The following INSC variants were observed in gnomAD, a reference collection of about 807,000 sequenced individuals.
INSC encodes protein inscuteable homolog.
In INSC, 67 loss-of-function variants were observed where a neutral mutation model predicts 58.6. The observed-to-expected ratio is 1.14, with a 90% confidence interval of 0.94 to 1.40. The LOEUF (loss-of-function observed/expected upper bound fraction) is 1.40, where lower values mean the gene tolerates loss of function less well. Ranked by LOEUF, INSC falls within the 40% of genes most tolerant of loss-of-function variation. The probability of loss-of-function intolerance (pLI) is 0.00; values close to 1 mark genes in which losing one functional copy is unlikely to be tolerated. For missense variants in INSC, 714 were observed against 692.0 expected (o/e 1.03, Z -0.36); for synonymous variants, 262 against 276.1 (o/e 0.95, Z 0.51).
intron 7 of INSC, among the ~76,000 whole-genome samples, chr11:15,212,685 A>G (rs900409635): frequency 6.6e-6 from 1 of 152,296 alleles, no homozygotes; most frequent in Non-Finnish European, 1.5e-5. Flanking sequence ...CAAGTTTGAT[A>G]TTGTATCCAG....
intron 1 of INSC, among the ~76,000 whole-genome samples, chr11:15,131,363 T>G (rs1173001947): frequency 6.6e-6 from 1 of 152,096 alleles, no homozygotes; most frequent in African/African-American, 2.4e-5. Flanking sequence ...GTGTCAATCT[T>G]CTGAAATTTG....
At chr11:15,198,836 A>T (rs1441995671) in intron 6 of INSC, among the ~76,000 whole-genome samples, 1 of 152,054 alleles carries the variant, frequency 6.6e-6, no homozygotes, top group Non-Finnish European at 1.5e-5. Context: ...CTTCAAGCAG[A>T]TGTCCCAGGA....
chr11:15,148,907 T>A (rs1271195121), intron 1 of INSC, among the ~76,000 whole-genome samples: 3 of 152,166 alleles, frequency 2.0e-5, no homozygotes, highest in Non-Finnish European at 4.4e-5. Flanking sequence ...AGAAAATATT[T>A]TAGAGATATA....
chr11:15,209,177 C>A (rs1301047849), intron 7 of INSC, among the ~76,000 whole-genome samples: 1 of 152,234 alleles, frequency 6.6e-6, no homozygotes, highest in Non-Finnish European at 1.5e-5. Flanking sequence ...CAAGCTGCCT[C>A]CAGCACATTG....
chr11:15,200,080 C>G (rs761968448), intron 6 of INSC, among the ~76,000 whole-genome samples: 5 of 151,868 alleles, frequency 3.3e-5, no homozygotes, highest in African/African-American at 4.8e-5. Context: ...TTTCCATAAA[C>G]AGCTCTCACA....
At chr11:15,170,530 C>G (rs1268491990) in intron 2 of INSC, among the ~76,000 whole-genome samples, 1 of 152,174 alleles carries the variant, frequency 6.6e-6, no homozygotes, top group Non-Finnish European at 1.5e-5. Context: ...AGATGAAGTG[C>G]ACTTCTTATC....
chr11:15,151,893 A>G (rs1022430385), intron 2 of INSC, among the ~76,000 whole-genome samples: 2 of 152,048 alleles, frequency 1.3e-5, no homozygotes, highest in African/African-American at 4.8e-5. Flanking sequence ...CAAATCATCT[A>G]TGGCATTTAG....
At chr11:15,218,574 A>G (rs1279591710) in intron 7 of INSC, among the ~76,000 whole-genome samples, 5 of 152,082 alleles carry the variant, frequency 3.3e-5, no homozygotes, top group Admixed American at 1.3e-4. Flanking sequence ...ATATATATAT[A>G]TGTACATATA....
Position 15,235,619 on chromosome 11 carries a change from A to T in INSC, c.1188A>T (p.Ala396=). Residue 396 remains alanine, a synonymous_variant, in exon 10 of 13, where the codon GCA becomes GCT. Coordinates refer to ENST00000379556, the MANE Select transcript of INSC (RefSeq NM_001042536.3). ...YTRDQIVTIL[A]NMSVLEQCAS... is the part of the protein sequence containing the mutation. ...TTTTCCAGATTGTGACCATCTTGGCAAACATGTCTGTCCTAGAACAGTGTG... is the reference window on the plus strand; with the variant it reads ...TTTTCCAGATTGTGACCATCTTGGCTAACATGTCTGTCCTAGAACAGTGTG... 6.2e-7 allele frequency: 1 copy of T among 1,614,018 alleles called. No individual in the cohort carries two copies. Among genetic ancestry groups the T allele is most frequent in the Non-Finnish European group, 8.5e-7 (1 of 1,179,882 alleles).
At chr11:15,122,978 C>T (rs1847907558) in intron 1 of INSC, among the ~76,000 whole-genome samples, 1 of 152,164 alleles carries the variant, frequency 6.6e-6, no homozygotes, top group Non-Finnish European at 1.5e-5. Context: ...GCCCTGCTGC[C>T]CTCTCCTACA....
At chr11:15,112,897 G>A (rs1399211290), upstream of INSC, among the ~76,000 whole-genome samples, 2 of 152,104 alleles carry the variant, frequency 1.3e-5, no homozygotes, top group East Asian at 1.9e-4. Flanking sequence ...TCATGAGCTG[G>A]GCAGAGATTT....
chr11:15,257,577 A>T, the INSC span, among the ~76,000 whole-genome samples: 1 of 152,088 alleles, frequency 6.6e-6, no homozygotes, highest in East Asian at 1.9e-4. Flanking sequence ...GTACCTCATA[A>T]TGGGACCTTA....
chr11:15,177,230 T>C, intron 4 of INSC, 67 bp downstream of exon 4: 1 of 1,226,560 alleles, frequency 8.2e-7, no homozygotes, highest in Middle Eastern at 2.0e-4. Context: ...GGGGCTGGTA[T>C]CTTCTCCCAG....
chr11:15,259,737 C>T, the INSC span, among the ~76,000 whole-genome samples: 1 of 152,124 alleles, frequency 6.6e-6, no homozygotes, highest in African/African-American at 2.4e-5. Flanking sequence ...AGATGTTTTT[C>T]TCCAAATTTC....
rs1226512374 is a variant in INSC at position 15,159,588 on chromosome 11, A to G, written c.56+10358A>G. Among the ~76,000 whole-genome samples, 4 of 152,232 alleles carry G rather than the reference A, an allele frequency of 2.6e-5. No homozygotes were observed. In the East Asian group the frequency reaches 5.8e-4, roughly 22 times the overall value. On this transcript the variant is annotated intron_variant, in intron 2 of 12. Coordinates refer to ENST00000379556, the MANE Select transcript of INSC (RefSeq NM_001042536.3). ...AAATTTTTACCTGACAGTACTGCAC[A>G]TGACATTGGAACAGAGCACAGCCTA...
chr11:15,172,828 G>C (rs1253289514), intron 2 of INSC, among the ~76,000 whole-genome samples: 1 of 152,116 alleles, frequency 6.6e-6, no homozygotes, highest in African/African-American at 2.4e-5. Flanking sequence ...AGATGTGTGA[G>C]AAGGGAGGCT....
intron 2 of INSC, among the ~76,000 whole-genome samples, chr11:15,156,011 A>G (rs1848804014): frequency 2.6e-5 from 4 of 152,180 alleles, no homozygotes; most frequent in Admixed American, 2.0e-4. Context: ...GCGGTCCACA[A>G]GGCAAGGGCA....
chr11:15,203,264 C>G (rs1015908412), intron 7 of INSC, among the ~76,000 whole-genome samples: 7 of 152,182 alleles, frequency 4.6e-5, no homozygotes, highest in Non-Finnish European at 1.0e-4. Flanking sequence ...CCCAGACCAC[C>G]TTGCTATTCC....
At chr11:15,220,591 G>C (rs1851399732) in intron 7 of INSC, among the ~76,000 whole-genome samples, 1 of 152,126 alleles carries the variant, frequency 6.6e-6, no homozygotes, top group Non-Finnish European at 1.5e-5. Context: ...TCTTGATCTG[G>C]GGCAAGTCAA....
Sources: gnomAD v4.1 joint callset for allele counts (sites outside exome capture counted in the v4.1 genomes callset) on GRCh38, gnomAD v4.1.1 for gene constraint, MANE v1.5 for transcripts, NCBI Gene and HGNC (gene_info 2026-07-23, HGNC 2026-07-21) for gene names.